Variants in STX7 observed in about 807,000 individuals in gnomAD.
The protein encoded by STX7 is syntaxin-7.
In STX7, 34 loss-of-function variants were observed where a neutral mutation model predicts 39.6. The observed-to-expected ratio is 0.86, with a 90% CI of 0.65 to 1.14. The LOEUF (loss-of-function observed/expected upper bound fraction) is 1.14, where lower values mean the gene tolerates loss of function less well. STX7 is among the 50% of genes most tolerant of loss of function. The pLI, the probability that STX7 is intolerant of heterozygous loss-of-function variation, is 0.00. For missense variants in STX7, 284 were observed against 310.4 expected (o/e 0.92, Z 0.64); for synonymous variants, 119 against 99.1 (o/e 1.20, Z -1.19).
At chr6:132,496,564 T>C (rs1311000428) in intron 2 of STX7, among the ~76,000 whole-genome samples, 1 of 152,196 alleles carries the variant, frequency 6.6e-6, no homozygotes, top group Non-Finnish European at 1.5e-5. Context: ...GCATTATGGA[T>C]TCAGATATGG....
intron 2 of STX7, among the ~76,000 whole-genome samples, chr6:132,478,715 T>C (rs1774938108): frequency 6.6e-6 from 1 of 152,178 alleles, no homozygotes. Context: ...TTCCTCAAAA[T>C]GTGATGGATT....
At position 132,452,041 on chromosome 6, in the gene STX7, G is replaced by A. The variant is rs539833377; in HGVS notation, c.*8717C>T. 4 of 152,094 alleles carry A rather than the reference G, an allele frequency of 2.6e-5. No homozygotes were observed. Among genetic ancestry groups the A allele is most frequent in the East Asian group, 1.9e-4 (1 of 5,190 alleles). 9.4% of individuals were successfully genotyped at this position (152,094 alleles called of 1,614,324 possible). On this transcript the variant is annotated 3_prime_UTR_variant, in exon 10 of 10. Coordinates refer to ENST00000367941, the MANE Select transcript of STX7 (RefSeq NM_003569.3). ...AGCTATATATACAAAGATACACCACGACCAAGTGGAGTTTATCTCAGGGAT... is the reference window on the plus strand; with the variant it reads ...AGCTATATATACAAAGATACACCACAACCAAGTGGAGTTTATCTCAGGGAT...
In STX7 at chr6:132,446,045, T is replaced by C. The variant is rs907591581; in HGVS notation, c.*14713A>G. Reference sequence around the variant, plus strand: ...ACACAGAGGGTTAAGGTATTAAAGATGAAAGCTAGTACCCTTACAACTATT... The same window carrying C: ...ACACAGAGGGTTAAGGTATTAAAGACGAAAGCTAGTACCCTTACAACTATT... On this transcript the variant is annotated 3_prime_UTR_variant, in exon 10 of 10. Coordinates refer to ENST00000367941, the MANE Select transcript of STX7 (RefSeq NM_003569.3). 6.6e-6 allele frequency: 1 copy of C among 152,200 alleles called. No individual in the cohort carries two copies. Among genetic ancestry groups the C allele is most frequent in the Non-Finnish European group, 1.5e-5 (1 of 68,040 alleles). The allele number at this position is 152,200 out of a possible 1,614,324, so 9.4% of individuals were successfully genotyped here. A position where few individuals can be genotyped will look rare whatever the true frequency, so the allele number is the denominator to read the frequency against.
At chr6:132,488,614 T>C (rs1323551641) in intron 2 of STX7, among the ~76,000 whole-genome samples, 1 of 152,198 alleles carries the variant, frequency 6.6e-6, no homozygotes, top group Non-Finnish European at 1.5e-5. Flanking sequence ...CTTGACTATC[T>C]AATGTGAACC....
chr6:132,507,587 TTC>T (rs1197969576), intron 1 of STX7, among the ~76,000 whole-genome samples: 1 of 152,212 alleles, frequency 6.6e-6, no homozygotes, highest in East Asian at 1.9e-4. Flanking sequence ...ACTAGCTTCT[TTC>T]TCTTAGTATG....
chr6:132,498,963 C>A (rs979562104), intron 2 of STX7, among the ~76,000 whole-genome samples: 1 of 152,124 alleles, frequency 6.6e-6, no homozygotes, highest in Non-Finnish European at 1.5e-5. Flanking sequence ...TTGCTAAACC[C>A]CCTTCTTTCC....
intron 9 of STX7, among the ~76,000 whole-genome samples, chr6:132,462,257 T>C (rs947434637): frequency 1.3e-5 from 2 of 152,204 alleles, no homozygotes; most frequent in Non-Finnish European, 2.9e-5. Flanking sequence ...CACCCAAACA[T>C]ATCAAGGCTT....
At chr6:132,475,782 A>AACTTTGTTTTCC (rs150393603) in intron 2 of STX7, 120 bp from the exon 3 acceptor site, 1 of 390,490 alleles carries the variant, frequency 2.6e-6, no homozygotes, top group Non-Finnish European at 4.2e-6. Flanking sequence ...CAAAGATGAA[A>AACTTTGTTTTCC]ATAGAAAATA....
rs1435756826 is a variant in STX7 at position 132,451,016 on chromosome 6, A to G, written c.*9742T>C. ...AAACACAAAGGAAAAAAAGAAAAAG[A>G]AAAAAGACAAATGACACCTATCTAT... On this transcript the variant is annotated 3_prime_UTR_variant, in exon 10 of 10. Transcript: ENST00000367941. The G allele has an allele frequency of 1.3e-5, 2 of 152,186 alleles. No individual in the cohort carries two copies. The highest frequency in any genetic ancestry group is 1.3e-4 in the Admixed American group (2 of 15,282). 9.4% of individuals were successfully genotyped at this position (152,186 alleles called of 1,614,324 possible).
At position 132,472,387 on chromosome 6, in the gene STX7, A is replaced by G; in HGVS notation, c.156-12T>C. ...GCTGCTTCTGTTGCCTAAAGTGAGA[A>G]AACACGCATTACAGCCAAAGGACTA... On this transcript the variant is annotated splice_polypyrimidine_tract_variant and intron_variant, in intron 3 of 9. Transcript: ENST00000367941. 6.3e-7 allele frequency: 1 copy of G among 1,599,828 alleles called. No individual in the cohort carries two copies. The highest frequency in any genetic ancestry group is 8.5e-7 in the Non-Finnish European group (1 of 1,171,286).
Position 132,454,113 on chromosome 6 carries a change from G to C in STX7, c.*6645C>G, listed in dbSNP as rs1236866502. Reference sequence around the variant, plus strand: ...CTAAAAAGTACCTGTCAATAGACTTGATACACATAATAAGCTGGATTAACC... The same window carrying C: ...CTAAAAAGTACCTGTCAATAGACTTCATACACATAATAAGCTGGATTAACC... On this transcript the variant is annotated 3_prime_UTR_variant, in exon 10 of 10. Transcript: ENST00000367941. 1.3e-5 allele frequency: 2 copies of C among 151,102 alleles called. No individual in the cohort carries two copies. The highest frequency in any genetic ancestry group is 2.9e-5 in the Non-Finnish European group (2 of 67,868). The allele number at this position is 151,102 out of a possible 1,614,324, so 9.4% of individuals were successfully genotyped here. A position where few individuals can be genotyped will look rare whatever the true frequency, so the allele number is the denominator to read the frequency against.
At chr6:132,510,506 T>C (rs1775820050) in intron 1 of STX7, among the ~76,000 whole-genome samples, 1 of 152,252 alleles carries the variant, frequency 6.6e-6, no homozygotes, top group South Asian at 2.1e-4. Context: ...CCATTTTATA[T>C]TGTGTATCAC....
At chr6:132,475,443 G>A in intron 3 of STX7, 150 bp downstream of exon 3, 1 of 464,402 alleles carries the variant, frequency 2.2e-6, no homozygotes, top group Non-Finnish European at 3.7e-6. Flanking sequence ...CAAAAGCTTG[G>A]TACAAATGTA....
chr6:132,464,246 C>T (rs376103428), intron 8 of STX7, among the ~76,000 whole-genome samples, 171 bp from the exon 9 acceptor site: 1 of 152,136 alleles, frequency 6.6e-6, no homozygotes, highest in African/African-American at 2.4e-5. Context: ...TTATAGTATA[C>T]ACCTATACTA....
intron 9 of STX7, among the ~76,000 whole-genome samples, chr6:132,462,974 C>T (rs1481819703): frequency 2.0e-5 from 3 of 152,128 alleles, no homozygotes; most frequent in African/African-American, 7.2e-5. Context: ...GTAATCTCAG[C>T]ACTTTGGGAG....
intron 3 of STX7, among the ~76,000 whole-genome samples, chr6:132,474,157 G>A (rs192788491): frequency 3.5e-4 from 51 of 145,846 alleles, no homozygotes; most frequent in Non-Finnish European, 4.2e-4. Flanking sequence ...GAGCCTAGGA[G>A]GTCCAGGCTG....
chr6:132,502,855 T>C (rs1397938452), intron 2 of STX7, among the ~76,000 whole-genome samples: 4 of 151,946 alleles, frequency 2.6e-5, no homozygotes, highest in Admixed American at 1.3e-4. Flanking sequence ...GCCAAGATCG[T>C]ACCACTGCAC....
At chr6:132,506,943 G>A (rs1192898981) in intron 1 of STX7, among the ~76,000 whole-genome samples, 11 of 152,176 alleles carry the variant, frequency 7.2e-5, no homozygotes, top group Admixed American at 7.2e-4. Context: ...AAAATGTAGT[G>A]TATATAAATG....
At chr6:132,485,782 A>G (rs1205543075) in intron 2 of STX7, among the ~76,000 whole-genome samples, 1 of 152,050 alleles carries the variant, frequency 6.6e-6, no homozygotes, top group Non-Finnish European at 1.5e-5. Context: ...TTTATGTCCT[A>G]TTTGTCATCT....
Sources: gnomAD v4.1 joint callset for allele counts (sites outside exome capture counted in the v4.1 genomes callset) on GRCh38, gnomAD v4.1.1 for gene constraint, MANE v1.5 for transcripts, NCBI Gene and HGNC (gene_info 2026-07-23, HGNC 2026-07-21) for gene names.